MPHOSPH8: variants seen among roughly 807,000 people sequenced by gnomAD.
The protein encoded by MPHOSPH8 is M-phase phosphoprotein, mpp.
In MPHOSPH8, 45 loss-of-function variants were observed where a neutral mutation model predicts 87.3. The ratio of observed to expected loss-of-function variants is 0.52; its 90% confidence interval spans 0.41 to 0.66. The LOEUF is 0.66. MPHOSPH8 is among the 30% of genes least tolerant of loss of function. MPHOSPH8 has a pLI of 0.00. For missense variants in MPHOSPH8, 883 were observed against 1,020.2 expected, an observed-to-expected ratio of 0.87 and a Z score of 1.83; for synonymous variants, 366 against 376.9, an observed-to-expected ratio of 0.97 and a Z score of 0.33.
intron 5 of MPHOSPH8, among the ~76,000 whole-genome samples, chr13:19,652,273 C>T (rs557309258): frequency 1.3e-5 from 2 of 152,254 alleles, no homozygotes; most frequent in South Asian, 2.1e-4. Flanking sequence ...GTGCAGCCCA[C>T]GGAGGGTGAG....
In MPHOSPH8 at chr13:19,673,202, C is replaced by A; in HGVS notation, c.*1327C>A. On this transcript the variant is annotated 3_prime_UTR_variant, in exon 14 of 14. Coordinates refer to ENST00000361479, the MANE Select transcript of MPHOSPH8 (RefSeq NM_017520.4). Reference sequence around the variant, plus strand: ...AACCTGGCTGTCAGCTGTGTGGGAGCCACCACCCTCTCTGGGAAGAGTTCC... The same window carrying A: ...AACCTGGCTGTCAGCTGTGTGGGAGACACCACCCTCTCTGGGAAGAGTTCC... 2.3e-6 allele frequency: 1 copy of A among 432,682 alleles called. No homozygotes were observed. The highest frequency in any genetic ancestry group is 1.7e-5 in the South Asian group (1 of 59,578). The allele number at this position is 432,682 out of a possible 1,614,324, so 26.8% of individuals were successfully genotyped here. A position where few individuals can be genotyped will look rare whatever the true frequency, so the allele number is the denominator to read the frequency against.
At chr13:19,637,974 G>A (rs570660714) in intron 1 of MPHOSPH8, among the ~76,000 whole-genome samples, 17 of 151,636 alleles carry the variant, frequency 1.1e-4, no homozygotes, top group South Asian at 4.2e-4. Flanking sequence ...GGTGGCAGGC[G>A]CCTGTAGTCC....
In MPHOSPH8 at chr13:19,648,496, C is replaced by T; in HGVS notation, c.1293C>T (p.Gly431=). The T allele has an allele frequency of 6.3e-7, 1 of 1,577,160 alleles. No individual in the cohort carries two copies. Among genetic ancestry groups the T allele is most frequent in the Non-Finnish European group, 8.6e-7 (1 of 1,162,338 alleles). Residue 431 remains glycine, a synonymous_variant, in exon 4 of 14, where the codon GGC becomes GGT. Transcript: ENST00000361479. The stretch of plus-strand genomic sequence containing the variant: ...ATGATTCTGACAAGGAAGAAAAAGG[C>T]AGAAAAGAGCCAAAAGGATTAAAGA... The part of the protein sequence containing the change: ...KRHDSDKEEK[G]RKEPKGLKTL...
At chr13:19,653,785 G>A (rs1324450045) in intron 5 of MPHOSPH8, among the ~76,000 whole-genome samples, 4 of 152,008 alleles carry the variant, frequency 2.6e-5, no homozygotes, top group East Asian at 1.9e-4. Context: ...TAACGAAATC[G>A]GTAAGCAGAA....
chr13:19,652,535 G>GT (rs1874915313), intron 5 of MPHOSPH8, among the ~76,000 whole-genome samples: 1 of 152,018 alleles, frequency 6.6e-6, no homozygotes, highest in Non-Finnish European at 1.5e-5. Flanking sequence ...AGCTGCAGAA[G>GT]TTTTTTTTCC....
intron 1 of MPHOSPH8, among the ~76,000 whole-genome samples, chr13:19,636,169 C>G (rs1488258824): frequency 6.6e-6 from 1 of 152,170 alleles, no homozygotes; most frequent in East Asian, 1.9e-4. Flanking sequence ...CGGAACAGGA[C>G]TATTGCAGTT....
rs1389288276 is a variant in MPHOSPH8, at chr13:19,650,147, A to G, written c.1463A>G (p.Gln488Arg). 1 of 1,614,204 alleles carries G rather than the reference A, an allele frequency of 6.2e-7. No individual in the cohort carries two copies. The highest frequency in any genetic ancestry group is 8.5e-7 in the Non-Finnish European group (1 of 1,180,020). ...IDDHKTKENKQSLKERRNTRD... is the reference protein window; with the variant it reads ...IDDHKTKENKRSLKERRNTRD... ...GATCACAAAACCAAGGAAAACAAAC[A>G]GTCACTTAAAGAAAGGAGAAACACC... Residue 488 changes from glutamine to arginine, a missense_variant, in exon 5 of 14, where the codon CAG becomes CGG. Transcript: ENST00000361479.
At chr13:19,670,857 T>C (rs1190156306) in intron 12 of MPHOSPH8, 1 of 1,155,966 alleles carries the variant, frequency 8.7e-7, no homozygotes, top group Admixed American at 2.9e-5. Context: ...CTCGCTCTGT[T>C]GTCCAGGCTG....
chr13:19,641,756 A>G (rs537190981), intron 1 of MPHOSPH8, among the ~76,000 whole-genome samples: 1 of 152,114 alleles, frequency 6.6e-6, no homozygotes, highest in Admixed American at 6.6e-5. Context: ...TCGGCCTCCC[A>G]AAATGCTGGG....
rs368067253 is a variant in MPHOSPH8, at chr13:19,671,816, G to A, written c.2542-18G>A. On this transcript the variant is annotated intron_variant, in intron 13 of 13. Coordinates refer to ENST00000361479, the MANE Select transcript of MPHOSPH8 (RefSeq NM_017520.4). ...AATCTGGATCTGTACTGACACCTGC[G>A]TTCTTTTCTTTCAACAGGTTAAGTT... The A allele has an allele frequency of 9.7e-5, 156 of 1,613,538 alleles. 3 individuals carry two copies. The highest frequency in any genetic ancestry group is 7.4e-4 in the South Asian group (67 of 91,064).
In MPHOSPH8 at chr13:19,647,010, C is replaced by T. The variant is rs946800489; in HGVS notation, c.937C>T (p.Pro313Ser). Reference sequence around the variant, plus strand: ...GGGGCTGGAGCATGGCTTTGAGAAGCCCCTAGACAGTGCCATGAGTGCTGA... The same window carrying T: ...GGGGCTGGAGCATGGCTTTGAGAAGTCCCTAGACAGTGCCATGAGTGCTGA... The part of the protein sequence containing the change: ...DMGLEHGFEK[P>S]LDSAMSAEED... The change falls in exon 3 of 14, where the codon CCC becomes TCC. Residue 313 changes from proline (P) to serine (S), a missense_variant. Around this residue, in one of 3 missense-constraint regions of MPHOSPH8, gnomAD observed 741 missense variants for 841.5 expected, o/e 0.88. Coordinates refer to ENST00000361479, the MANE Select transcript of MPHOSPH8 (RefSeq NM_017520.4). 2 of 1,602,222 alleles carry T rather than the reference C, an allele frequency of 1.2e-6. No homozygotes were observed. The highest frequency in any genetic ancestry group is 1.7e-6 in the Non-Finnish European group (2 of 1,177,012).
chr13:19,661,412 T>C (rs1433294967), intron 7 of MPHOSPH8, among the ~76,000 whole-genome samples: 1 of 152,168 alleles, frequency 6.6e-6, no homozygotes, highest in Non-Finnish European at 1.5e-5. Context: ...ACCTTCCCTT[T>C]GTAAAAAACA....
Position 19,647,146 on chromosome 13 carries a change from C to T in MPHOSPH8, c.1073C>T (p.Thr358Ile), listed in dbSNP as rs1874612499. The change falls in exon 3 of 14, where the codon ACT (threonine) becomes ATT (isoleucine). Residue 358 changes from threonine to isoleucine, a missense_variant. By Grantham distance (89) the Thr-to-Ile change is moderately conservative. Transcript: ENST00000361479. ...ENKNAFLEKK[T>I]VPKKQRNQDR... ...AAGAACGCTTTCTTAGAGAAGAAAA[C>T]TGTGCCTAAAAAGCAGAGGAATCAA... 1.2e-6 allele frequency: 2 copies of T among 1,613,904 alleles called. No individual in the cohort carries two copies. Among genetic ancestry groups the T allele is most frequent in the Admixed American group, 3.3e-5 (2 of 59,990 alleles).
intron 5 of MPHOSPH8, among the ~76,000 whole-genome samples, chr13:19,657,559 T>A (rs1437603321): frequency 1.2e-4 from 18 of 150,836 alleles, no homozygotes; most frequent in Admixed American, 1.2e-3. Flanking sequence ...AGAGCAAGAC[T>A]CCGTCTCAAA....
chr13:19,636,191 C>G (rs1042996281), intron 1 of MPHOSPH8, among the ~76,000 whole-genome samples: 2 of 152,228 alleles, frequency 1.3e-5, no homozygotes, highest in Non-Finnish European at 2.9e-5. Flanking sequence ...TCTGTTTTCA[C>G]TGCTGAGTGA....
At chr13:19,636,800 AT>A (rs1409680958) in intron 1 of MPHOSPH8, among the ~76,000 whole-genome samples, 1 of 152,166 alleles carries the variant, frequency 6.6e-6, no homozygotes, top group Non-Finnish European at 1.5e-5. Flanking sequence ...TTTTAACAAA[AT>A]TTTAAACTGT....
chr13:19,644,544 GGT>G (rs1377328183), intron 2 of MPHOSPH8, among the ~76,000 whole-genome samples: 2 of 152,092 alleles, frequency 1.3e-5, no homozygotes, highest in African/African-American at 2.4e-5. Context: ...AGTCATTTTT[GGT>G]TATCTGAAGT....
At position 19,673,050 on chromosome 13, in the gene MPHOSPH8, G is replaced by C; in HGVS notation, c.*1175G>C. On this transcript the variant is annotated 3_prime_UTR_variant, in exon 14 of 14. Coordinates refer to ENST00000361479, the MANE Select transcript of MPHOSPH8 (RefSeq NM_017520.4). ...AGCCTGAGTGACAGAATGAGACCTT[G>C]TCTCAAAAAAAAAAAAAAGTTTCTT... 1 of 436,554 alleles carries C rather than the reference G, an allele frequency of 2.3e-6. No individual in the cohort carries two copies. The highest frequency in any genetic ancestry group is 4.5e-6 in the Non-Finnish European group (1 of 222,436). 27.0% of individuals were successfully genotyped at this position (436,554 alleles called of 1,614,324 possible).
intron 1 of MPHOSPH8, among the ~76,000 whole-genome samples, chr13:19,634,261 G>A (rs2137488608): frequency 6.6e-6 from 1 of 152,302 alleles, no homozygotes; most frequent in Admixed American, 6.5e-5. Flanking sequence ...GAAGGGAGCT[G>A]CTGCGCTTTG....
Sources: gnomAD v4.1 joint callset for allele counts (sites outside exome capture counted in the v4.1 genomes callset) on GRCh38, gnomAD v4.1.1 for gene constraint, gnomAD v4.1.1 regional missense constraint, MANE v1.5 for transcripts, NCBI Gene and HGNC (gene_info 2026-07-23, HGNC 2026-07-21) for gene names.